CSRP1: variants seen among roughly 807,000 people sequenced by gnomAD.
CSRP1 encodes the protein cysteine and glycine-rich protein 1.
Under a neutral mutation model 25.4 loss-of-function variants are expected in CSRP1, and 16 were observed. The ratio of observed to expected loss-of-function variants is 0.63; its 90% confidence interval spans 0.43 to 0.96. The LOEUF (loss-of-function observed/expected upper bound fraction) is 0.96, where lower values mean the gene tolerates loss of function less well. Among genes scored for constraint, CSRP1 ranks in the 40% least tolerant of loss-of-function variants. The pLI is 0.00. For synonymous variants in CSRP1, 97 were observed against 95.3 expected (o/e 1.02, Z -0.10); for missense variants, 212 against 243.6 (o/e 0.87, Z 0.86).
Position 201,484,467 on chromosome 1 carries a change from C to T in CSRP1, c.*246G>A. 1 of 574,060 alleles carries T rather than the reference C, an allele frequency of 1.7e-6. No homozygotes were observed. Among genetic ancestry groups the T allele is most frequent in the Non-Finnish European group, 3.1e-6 (1 of 321,758 alleles). 35.6% of individuals were successfully genotyped at this position (574,060 alleles called of 1,614,324 possible). ...TGTGGGGAGAGGGGCCTGCTCTCAC[C>T]TAGACCCAAAACACTGAGGTCTCCT... is the stretch of plus-strand genomic sequence containing the variant. On this transcript the variant is annotated 3_prime_UTR_variant, in exon 6 of 6. Transcript: ENST00000340006.
rs1252053189 is a variant in CSRP1, at chr1:201,484,438, G to C, written c.*275C>G. The C allele has an allele frequency of 3.7e-6, 2 of 534,662 alleles. No homozygotes were observed. Among genetic ancestry groups the C allele is most frequent in the Non-Finnish European group, 6.7e-6 (2 of 299,644 alleles). 33.1% of individuals were successfully genotyped at this position (534,662 alleles called of 1,614,324 possible). On this transcript the variant is annotated 3_prime_UTR_variant, in exon 6 of 6. Coordinates refer to ENST00000340006, the MANE Select transcript of CSRP1 (RefSeq NM_004078.3). ...GGCTAAGAACAGAGCTCTGTGGGGCGAGGTGTGGGGAGAGGGGCCTGCTCT... is the reference window on the plus strand; with the variant it reads ...GGCTAAGAACAGAGCTCTGTGGGGCCAGGTGTGGGGAGAGGGGCCTGCTCT...
chr1:201,489,033 G>A, intron 3 of CSRP1, 49 bp from the exon 4 acceptor site: 1 of 1,608,638 alleles, frequency 6.2e-7, no homozygotes, highest in Non-Finnish European at 8.5e-7. Flanking sequence ...GTAAGTACAG[G>A]TGGGGCTGGC....
chr1:201,485,177 T>C (rs1664093414), intron 5 of CSRP1, 106 bp downstream of exon 5: 1 of 971,358 alleles, frequency 1.0e-6, no homozygotes, highest in Non-Finnish European at 1.7e-6. Context: ...GTTCAGATCT[T>C]GGATCCCAAG....
chr1:201,486,074 T>A (rs1305366448), intron 4 of CSRP1: 1 of 152,536 alleles, frequency 6.6e-6, no homozygotes, highest in Non-Finnish European at 1.5e-5. Flanking sequence ...CTGATAGCCT[T>A]TGGGCAAAGG....
At chr1:201,503,481 T>C (rs1226652923) in intron 1 of CSRP1, among the ~76,000 whole-genome samples, 4 of 151,870 alleles carry the variant, frequency 2.6e-5, no homozygotes, top group Non-Finnish European at 4.4e-5. Flanking sequence ...CAGTCGGGGG[T>C]AGGGGGTGCT....
chr1:201,489,004 G>C lies in CSRP1; in HGVS notation c.282-20C>G, dbSNP rs572555801. 5.0e-6 allele frequency: 8 copies of C among 1,613,022 alleles called. No individual in the cohort carries two copies. The African/African-American group carries it at 8.0e-5, about 16-fold the overall frequency. ...GGGGCTCTGCATGGAGAAGGGCATG[G>C]GGTGAGGTGACTTACACTGTAAGTA... On this transcript the variant is annotated intron_variant, in intron 3 of 5. Transcript: ENST00000340006.
At position 201,488,997 on chromosome 1, in the gene CSRP1, G is replaced by A. The variant is rs1410381045; in HGVS notation, c.282-13C>T. On this transcript the variant is annotated splice_polypyrimidine_tract_variant and intron_variant, in intron 3 of 5. Transcript: ENST00000340006. ...GTGGCCAGGGGCTCTGCATGGAGAAGGGCATGGGGTGAGGTGACTTACACT... is the reference window on the plus strand; with the variant it reads ...GTGGCCAGGGGCTCTGCATGGAGAAAGGCATGGGGTGAGGTGACTTACACT... 6.2e-7 allele frequency: 1 copy of A among 1,613,424 alleles called. No homozygotes were observed. The highest frequency in any genetic ancestry group is 1.7e-5 in the Admixed American group (1 of 60,010).
chr1:201,504,632 A>G (rs1571791245), intron 1 of CSRP1, among the ~76,000 whole-genome samples: 1 of 152,286 alleles, frequency 6.6e-6, no homozygotes, highest in African/African-American at 2.4e-5. Flanking sequence ...TTTGCTTCCC[A>G]CACCAGGGAT....
chr1:201,490,422 C>A lies in CSRP1; in HGVS notation c.113-78G>T. 2.1e-6 allele frequency: 3 copies of A among 1,418,218 alleles called. No homozygotes were observed. In the Admixed American group the frequency reaches 5.3e-5, roughly 25 times the overall value. The allele number at this position is 1,418,218 out of a possible 1,614,324, so 87.9% of individuals were successfully genotyped here. ...CTTGCTCATTGCAAGCTTCTTACAG[C>A]TGAAGCTCTCTGGCCTCTTTGCATA... On this transcript the variant is annotated intron_variant, in intron 2 of 5. Coordinates refer to ENST00000340006, the MANE Select transcript of CSRP1 (RefSeq NM_004078.3).
chr1:201,491,232 A>G (rs959895693), intron 2 of CSRP1: 4 of 152,220 alleles, frequency 2.6e-5, no homozygotes, highest in African/African-American at 9.7e-5. Context: ...GGAGTTTGAG[A>G]TCAGCCTGGG....
chr1:201,489,884 A>G (rs1220786234), intron 3 of CSRP1: 1 of 289,946 alleles, frequency 3.4e-6, no homozygotes, highest in Non-Finnish European at 6.4e-6. Context: ...AAAAACAAAA[A>G]AAGAGGAAAT....
At chr1:201,498,447 A>T (rs933714426) in intron 1 of CSRP1, among the ~76,000 whole-genome samples, 1 of 152,226 alleles carries the variant, frequency 6.6e-6, no homozygotes, top group African/African-American at 2.4e-5. Context: ...GAGGCAAAGG[A>T]GCCTAAGGAG....
Position 201,490,229 on chromosome 1 carries a change from G to C in CSRP1, c.228C>G (p.Gly76=). Residue 76 remains glycine, a synonymous_variant, in exon 3 of 6, where the codon GGC becomes GGG. Coordinates refer to ENST00000340006, the MANE Select transcript of CSRP1 (RefSeq NM_004078.3). Reference sequence around the variant, plus strand: ...CCTTGTCAGTGCTGAGGGTGCCTGCGCCCTGCCCGTAGCCATAGCCTTTGG... The same window carrying C: ...CCTTGTCAGTGCTGAGGGTGCCTGCCCCCTGCCCGTAGCCATAGCCTTTGG... ...YGPKGYGYGQ[G]AGTLSTDKGE... is the part of the protein sequence containing the mutation. 1 of 1,614,182 alleles carries C rather than the reference G, an allele frequency of 6.2e-7. No individual in the cohort carries two copies. Among genetic ancestry groups the C allele is most frequent in the Non-Finnish European group, 8.5e-7 (1 of 1,180,032 alleles).
At chr1:201,488,540 G>T (rs1453122406) in intron 4 of CSRP1, 3 of 183,128 alleles carry the variant, frequency 1.6e-5, no homozygotes, top group Non-Finnish European at 3.4e-5. Flanking sequence ...TCAGGGCTTT[G>T]TGGACCCTCT....
rs201199366 is a variant in CSRP1, at chr1:201,484,732, G to A, written c.563C>T (p.Ala188Val). The A allele has an allele frequency of 5.6e-6, 9 of 1,611,572 alleles. No homozygotes were observed. Among genetic ancestry groups the A allele is most frequent in the Non-Finnish European group, 5.9e-6 (7 of 1,179,498 alleles). ...GTGGCCTCACTCAGAGTGGACCAAG[G>A]CCCCAGCTCCTTGCCCAAAACCAAA... ...KGFGFGQGAG[A>V]LVHSE Residue 188 changes from alanine (A) to valine (V), a missense_variant, in exon 6 of 6, where the codon GCC becomes GTC. Physicochemically the swap from Ala to Val is moderately conservative, Grantham distance 64. Coordinates refer to ENST00000340006, the MANE Select transcript of CSRP1 (RefSeq NM_004078.3).
chr1:201,484,810 T>C (rs1460723082), intron 5 of CSRP1, 21 bp from the exon 6 acceptor site: 2 of 1,602,762 alleles, frequency 1.2e-6, no homozygotes, highest in South Asian at 1.1e-5. Flanking sequence ...AGGAGAGAGA[T>C]AAGGGCATGT....
At chr1:201,506,357 C>A (rs1200939886) in intron 1 of CSRP1, among the ~76,000 whole-genome samples, 1 of 152,166 alleles carries the variant, frequency 6.6e-6, no homozygotes, top group Non-Finnish European at 1.5e-5. Context: ...ACAACAGCAC[C>A]AGAACCAGAA....
chr1:201,488,852 T>C lies in CSRP1; in HGVS notation c.411+3A>G. 6.2e-7 allele frequency: 1 copy of C among 1,612,740 alleles called. No individual in the cohort carries two copies. On this transcript the variant is annotated splice_donor_region_variant and intron_variant, in intron 4 of 5. Coordinates refer to ENST00000340006, the MANE Select transcript of CSRP1 (RefSeq NM_004078.3). Reference sequence around the variant, plus strand: ...TCCCTCTCATGCCCAGCAGCCACCTTACCTTCCCAGCACCAATCACCTTCT... The same window carrying C: ...TCCCTCTCATGCCCAGCAGCCACCTCACCTTCCCAGCACCAATCACCTTCT...
intron 2 of CSRP1, chr1:201,495,978 G>A (rs569276077): frequency 3.3e-5 from 16 of 479,750 alleles, no homozygotes; most frequent in Middle Eastern, 1.1e-3. Context: ...CTGCCACCCC[G>A]ACCCGCTCTG....
Sources: gnomAD v4.1 joint callset for allele counts (sites outside exome capture counted in the v4.1 genomes callset) on GRCh38, gnomAD v4.1.1 for gene constraint, MANE v1.5 for transcripts, NCBI Gene and HGNC (gene_info 2026-07-23, HGNC 2026-07-21) for gene names.